Variants in FNDC3A observed in about 807,000 individuals in gnomAD.
FNDC3A encodes fibronectin type-III domain-containing protein 3A.
Under a neutral mutation model 148.9 loss-of-function variants are expected in FNDC3A, and 32 were observed. The observed-to-expected ratio is 0.21, with a 90% CI of 0.16 to 0.29. The LOEUF (loss-of-function observed/expected upper bound fraction) is 0.29. Ranked by LOEUF, FNDC3A falls within the 10% of genes least tolerant of loss-of-function variation. The pLI is 1.00. For missense variants in FNDC3A, 1,191 were observed against 1,452.8 expected (o/e 0.82, Z 2.93); for synonymous variants, 472 against 473.6 (o/e 1.00, Z 0.04).
intron 5 of FNDC3A, among the ~76,000 whole-genome samples, chr13:49,134,954 CA>C (rs1271086939): frequency 7.0e-6 from 1 of 143,728 alleles, no homozygotes; most frequent in Non-Finnish European, 1.5e-5. Context: ...CTCCCAGGTT[CA>C]AATGATTCTC....
chr13:48,981,704 G>A (rs748328264), intron 1 of FNDC3A, among the ~76,000 whole-genome samples: 2 of 151,936 alleles, frequency 1.3e-5, no homozygotes, highest in Non-Finnish European at 2.9e-5. Context: ...CACTTCTTGA[G>A]ATCTCTTATG....
intron 20 of FNDC3A, among the ~76,000 whole-genome samples, chr13:49,197,415 G>C (rs935849273): frequency 1.3e-5 from 2 of 150,858 alleles, no homozygotes; most frequent in African/African-American, 4.8e-5. Context: ...AACAAAATGT[G>C]TGTATGCTTT....
chr13:48,990,811 T>G (rs959626702), intron 1 of FNDC3A, among the ~76,000 whole-genome samples: 1 of 152,012 alleles, frequency 6.6e-6, no homozygotes, highest in African/African-American at 2.4e-5. Context: ...AAATATACAA[T>G]AATAGCAAAA....
chr13:48,989,491 C>T (rs561375287), intron 1 of FNDC3A, among the ~76,000 whole-genome samples: 4 of 152,100 alleles, frequency 2.6e-5, no homozygotes, highest in Non-Finnish European at 4.4e-5. Context: ...ATTAAAATTA[C>T]GTGTCAAAGA....
intron 23 of FNDC3A, among the ~76,000 whole-genome samples, chr13:49,199,669 C>CT (rs1293011191): frequency 1.3e-5 from 2 of 152,152 alleles, no homozygotes; most frequent in African/African-American, 4.8e-5. Context: ...TTCCTGGCCT[C>CT]TGAGATCCTT....
chr13:49,075,301 C>A lies in FNDC3A; in HGVS notation c.112C>A (p.Gln38Lys). 6.3e-7 allele frequency: 1 copy of A among 1,596,574 alleles called. No homozygotes were observed. The change falls in exon 3 of 26, where the codon CAA becomes AAA. Residue 38 changes from glutamine to lysine, a missense_variant. Transcript: ENST00000492622. Reference protein sequence around the residue: ...ADGTQQVILVQVNPGEAFTIR... With the variant: ...ADGTQQVILVKVNPGEAFTIR... ...CCTCATTTTTAAGGTTATTCTGGTA[C>A]AAGTTAACCCAGGAGAAGCATTTAC...
At chr13:49,033,168 A>G (rs1874250905) in intron 2 of FNDC3A, among the ~76,000 whole-genome samples, 1 of 152,180 alleles carries the variant, frequency 6.6e-6, no homozygotes, top group East Asian at 1.9e-4. Flanking sequence ...AAAACAAAAT[A>G]ACTAAAAATG....
chr13:49,042,439 G>A (rs1349383941), intron 2 of FNDC3A, among the ~76,000 whole-genome samples: 2 of 151,300 alleles, frequency 1.3e-5, no homozygotes, highest in South Asian at 2.1e-4. Context: ...TTTTATTTTC[G>A]TTGGATTAGC....
intron 1 of FNDC3A, among the ~76,000 whole-genome samples, chr13:48,990,588 CAAAAAAAAAAAAAAA>C (rs58007137): frequency 5.2e-5 from 3 of 58,138 alleles, no homozygotes. Flanking sequence ...CCTGTCTCTC[CAAAAAAAAAAAAAAA>C]AAAAAAAAAT....
intron 3 of FNDC3A, among the ~76,000 whole-genome samples, chr13:49,099,804 C>T (rs955255716): frequency 6.6e-6 from 1 of 151,866 alleles, no homozygotes; most frequent in African/African-American, 2.4e-5. Context: ...CGATAAGAAA[C>T]AAAAAATAGA....
At chr13:49,035,194 G>GAGCTACA (rs1874406114) in intron 2 of FNDC3A, among the ~76,000 whole-genome samples, 1 of 152,052 alleles carries the variant, frequency 6.6e-6, no homozygotes, top group Admixed American at 6.5e-5. Context: ...TAAGTTCAAT[G>GAGCTACA]AGCTACATGG....
At chr13:49,021,073 AT>A (rs943912693) in intron 2 of FNDC3A, among the ~76,000 whole-genome samples, 102 of 152,346 alleles carry the variant, frequency 6.7e-4, no homozygotes, top group Middle Eastern at 6.8e-3. Flanking sequence ...TGGGAAAAAA[AT>A]GTTAGTAATT....
intron 1 of FNDC3A, among the ~76,000 whole-genome samples, chr13:48,998,500 C>A (rs532679846): frequency 6.6e-6 from 1 of 152,182 alleles, no homozygotes; most frequent in Non-Finnish European, 1.5e-5. Context: ...AAATGAATTT[C>A]GTGTTTAGAC....
At chr13:49,063,486 A>G (rs1269705091) in intron 2 of FNDC3A, among the ~76,000 whole-genome samples, 1 of 152,206 alleles carries the variant, frequency 6.6e-6, no homozygotes, top group Admixed American at 6.5e-5. Context: ...CATGGATTCA[A>G]GTTGCCCTGA....
At chr13:49,062,345 A>G (rs114507618) in intron 2 of FNDC3A, among the ~76,000 whole-genome samples, 22 of 152,302 alleles carry the variant, frequency 1.4e-4, no homozygotes, top group African/African-American at 4.8e-4. Flanking sequence ...TAAAGATGAA[A>G]TTTGGATATG....
intron 14 of FNDC3A, among the ~76,000 whole-genome samples, chr13:49,180,734 C>G (rs1172710540): frequency 2.6e-5 from 4 of 150,978 alleles, no homozygotes; most frequent in Admixed American, 1.3e-4. Context: ...ATAAGCTAAT[C>G]AAATTTCTAT....
intron 2 of FNDC3A, among the ~76,000 whole-genome samples, chr13:49,032,682 G>C (rs932920662): frequency 6.6e-6 from 1 of 152,036 alleles, no homozygotes; most frequent in South Asian, 2.1e-4. Context: ...CTTGCAGTGA[G>C]CCGAGACCGC....
intron 3 of FNDC3A, among the ~76,000 whole-genome samples, chr13:49,086,150 G>T (rs1220008606): frequency 1.3e-5 from 2 of 152,180 alleles, no homozygotes; most frequent in African/African-American, 4.8e-5. Context: ...CTAAAGTTCT[G>T]GGATTACAGG....
chr13:49,076,451 G>A (rs1255298151), intron 3 of FNDC3A, among the ~76,000 whole-genome samples: 3 of 151,700 alleles, frequency 2.0e-5, no homozygotes, highest in Non-Finnish European at 4.4e-5. Flanking sequence ...CACCATGTTG[G>A]CCAGGCTGGT....
Sources: gnomAD v4.1 joint callset for allele counts (sites outside exome capture counted in the v4.1 genomes callset) on GRCh38, gnomAD v4.1.1 for gene constraint, MANE v1.5 for transcripts, NCBI Gene and HGNC (gene_info 2026-07-23, HGNC 2026-07-21) for gene names.